Variants in BABAM1 observed in about 807,000 individuals in gnomAD.
The protein encoded by BABAM1 is BRISC and BRCA1-A complex member 1.
In BABAM1, 14 loss-of-function variants were observed where a neutral mutation model predicts 34.4. The observed-to-expected ratio is 0.41, with a 90% CI of 0.27 to 0.64. The LOEUF is 0.64. Among genes scored for constraint, BABAM1 ranks in the 30% least tolerant of loss-of-function variants. The probability of loss-of-function intolerance (pLI) is 0.34; values close to 1 mark genes in which losing one functional copy is unlikely to be tolerated. For missense variants in BABAM1, 393 were observed against 434.0 expected (o/e 0.91, Z 0.84); for synonymous variants, 169 against 165.8 (o/e 1.02, Z -0.15).
intron 1 of BABAM1, 105 bp downstream of exon 1, chr19:17,267,632 T>G (rs1468532913): frequency 6.6e-6 from 1 of 152,262 alleles, no homozygotes; most frequent in African/African-American, 2.4e-5. Context: ...TTATTTCTGG[T>G]TTCTCCTGCA....
rs1444497395 is a variant in BABAM1 at position 17,271,672 on chromosome 19, A to G, written c.344+17A>G. Reference sequence around the variant, plus strand: ...GTTCAACGGGTAAGAGGGACATTTTAGGGCTTGAACATGCAGCCATGGCAG... The same window carrying G: ...GTTCAACGGGTAAGAGGGACATTTTGGGGCTTGAACATGCAGCCATGGCAG... On this transcript the variant is annotated intron_variant, in intron 3 of 8. Transcript: ENST00000598188. 6.2e-7 allele frequency: 1 copy of G among 1,612,952 alleles called. No individual in the cohort carries two copies. The highest frequency in any genetic ancestry group is 2.2e-5 in the East Asian group (1 of 44,870).
intron 8 of BABAM1, among the ~76,000 whole-genome samples, chr19:17,278,324 T>C (rs1197613014): frequency 1.3e-5 from 2 of 151,140 alleles, no homozygotes; most frequent in Non-Finnish European, 3.0e-5. Context: ...CTTTTTTTTT[T>C]TTGAGGCGGA....
At position 17,273,913 on chromosome 19, in the gene BABAM1, C is replaced by T. The variant is rs957251722; in HGVS notation, c.354C>T (p.Thr118=). Residue 118 remains threonine, a synonymous_variant, in exon 4 of 9, where the codon ACC becomes ACT. Transcript: ENST00000598188. The part of the protein sequence containing the change: ...PKLESFNGSK[T]NALNVSQKMI... ...CTCTCTGCCTCCCCAGCTCCAAAAC[C>T]AACGCCCTCAATGTCTCCCAGAAGA... is the stretch of plus-strand genomic sequence containing the variant. 1 of 1,611,036 alleles carries T rather than the reference C, an allele frequency of 6.2e-7. No homozygotes were observed. The highest frequency in any genetic ancestry group is 1.7e-5 in the Admixed American group (1 of 59,406).
intron 2 of BABAM1, among the ~76,000 whole-genome samples, chr19:17,270,612 G>A (rs572064769): frequency 7.9e-5 from 11 of 139,496 alleles, no homozygotes; most frequent in South Asian, 4.6e-4. Flanking sequence ...TGCAACCTCC[G>A]GCTCCCTGGT....
intron 1 of BABAM1, 179 bp from the exon 2 acceptor site, chr19:17,268,615 G>A (rs1315347708): frequency 1.7e-6 from 1 of 590,394 alleles, no homozygotes; most frequent in Non-Finnish European, 2.8e-6. Context: ...TTTTAGTTGA[G>A]ACGGGGTTTC....
intron 2 of BABAM1, 140 bp downstream of exon 2, chr19:17,269,231 C>T (rs1768675422): frequency 1.8e-6 from 2 of 1,136,230 alleles, no homozygotes; most frequent in African/African-American, 3.2e-5. Flanking sequence ...TAGCTTTCAA[C>T]AAGAGAAATT....
chr19:17,272,398 C>G (rs1003746983), intron 3 of BABAM1, among the ~76,000 whole-genome samples: 1 of 151,572 alleles, frequency 6.6e-6, no homozygotes, highest in African/African-American at 2.4e-5. Flanking sequence ...GAGCGAGACC[C>G]TGTCCCTTTT....
chr19:17,273,559 GT>G lies in BABAM1; in HGVS notation c.345-341del, dbSNP rs1252906493. 1.6e-4 allele frequency among the ~76,000 whole-genome samples: 4 copies of G among 24,582 alleles called. 1 individual carries two copies. The highest frequency in any genetic ancestry group is 8.5e-4 in the African/African-American group (4 of 4,728). 16.1% of individuals were successfully genotyped at this position (24,582 alleles called of 152,430 possible). On this transcript the variant is annotated intron_variant, in intron 3 of 8. Transcript: ENST00000598188. ...GGCTGAAGGAAGTTTTTTTTTGTTT[GT>G]TTTGTTTTTTTTTTTTTTTTTGAGA... is the stretch of plus-strand genomic sequence containing the variant.
chr19:17,275,882 G>T, intron 6 of BABAM1, 57 bp downstream of exon 6: 1 of 1,578,844 alleles, frequency 6.3e-7, no homozygotes, highest in Non-Finnish European at 8.7e-7. Flanking sequence ...TCACTTCTGG[G>T]AAAAAGCTCC....
intron 3 of BABAM1, among the ~76,000 whole-genome samples, chr19:17,273,644 A>G (rs1163189663): frequency 7.0e-6 from 1 of 142,968 alleles, no homozygotes; most frequent in Non-Finnish European, 1.5e-5. Context: ...GCTCACTGCA[A>G]CCTCCGCCTT....
chr19:17,272,635 T>C (rs1293130647), intron 3 of BABAM1, among the ~76,000 whole-genome samples: 2 of 150,890 alleles, frequency 1.3e-5, no homozygotes, highest in Non-Finnish European at 3.0e-5. Flanking sequence ...TCAAATCTCC[T>C]GACCTCATGA....
At chr19:17,272,487 G>C (rs1048284094) in intron 3 of BABAM1, among the ~76,000 whole-genome samples, 1 of 151,138 alleles carries the variant, frequency 6.6e-6, no homozygotes, top group African/African-American at 2.4e-5. Context: ...CTCACTGCAA[G>C]CTCCGCCTCC....
chr19:17,278,500 G>A (rs559665983), intron 8 of BABAM1, among the ~76,000 whole-genome samples: 105 of 152,026 alleles, frequency 6.9e-4, no homozygotes, highest in African/African-American at 2.2e-3. Context: ...TAGTAGAGAC[G>A]GGGTTTCACT....
chr19:17,277,912 C>T (rs1161995524), intron 8 of BABAM1, among the ~76,000 whole-genome samples: 1 of 151,294 alleles, frequency 6.6e-6, no homozygotes, highest in Non-Finnish European at 1.5e-5. Context: ...TGTGGTGGCT[C>T]ACACCTGTAA....
chr19:17,273,737 G>C (rs1251042895), intron 3 of BABAM1, among the ~76,000 whole-genome samples, 167 bp from the exon 4 acceptor site: 1 of 151,548 alleles, frequency 6.6e-6, no homozygotes, highest in African/African-American at 2.4e-5. Flanking sequence ...TAATTTTTTT[G>C]TATTTTTAGT....
At chr19:17,276,452 C>G in intron 6 of BABAM1, 43 bp from the exon 7 acceptor site, 1 of 1,566,324 alleles carries the variant, frequency 6.4e-7, no homozygotes, top group Non-Finnish European at 8.7e-7. Flanking sequence ...AGGGGCAGAC[C>G]CCCACAGGCT....
At chr19:17,272,972 C>T (rs1188508956) in intron 3 of BABAM1, among the ~76,000 whole-genome samples, 1 of 151,926 alleles carries the variant, frequency 6.6e-6, no homozygotes, top group Non-Finnish European at 1.5e-5. Context: ...GAGCCAAGAT[C>T]GCGCCATTGC....
chr19:17,272,595 T>C (rs918368726), intron 3 of BABAM1, among the ~76,000 whole-genome samples: 3 of 151,336 alleles, frequency 2.0e-5, no homozygotes, highest in East Asian at 2.0e-4. Flanking sequence ...TTAGTAGAGA[T>C]GGGGTTTCAC....
In BABAM1 at chr19:17,276,920, G is replaced by A. The variant is rs779460763; in HGVS notation, c.786+11G>A. 10 of 1,586,498 alleles carry A rather than the reference G, an allele frequency of 6.3e-6. No homozygotes were observed. In the South Asian group the frequency reaches 1.0e-4, roughly 16 times the overall value. The stretch of plus-strand genomic sequence containing the variant: ...GAGATGAGTTGGAAGGTGAGAGGCT[G>A]CAGCAGGTGTGAGTAGCAGGCGGGT... On this transcript the variant is annotated intron_variant, in intron 8 of 8. Transcript: ENST00000598188.
Sources: allele counts gnomAD v4.1 joint callset (sites outside exome capture counted in the v4.1 genomes callset), GRCh38; gene constraint gnomAD v4.1.1; transcripts MANE v1.5; gene names NCBI Gene and HGNC (gene_info 2026-07-23, HGNC 2026-07-21).